ZNF30: variants seen among roughly 807,000 people sequenced by gnomAD.
ZNF30 encodes zinc finger protein 30 (KOX 28).
A neutral mutation model predicts 13.2 loss-of-function variants in ZNF30; 15 were observed. The ratio of observed to expected loss-of-function variants is 1.13; its 90% CI spans 0.76 to 1.75. ZNF30 has a LOEUF of 1.75. ZNF30 is among the 40% of genes most tolerant of loss of function. The pLI, the probability that ZNF30 is intolerant of heterozygous loss-of-function variation, is 0.00. For missense variants in ZNF30, 726 were observed against 757.0 expected, an observed-to-expected ratio of 0.96 and a Z score of 0.48; for synonymous variants, 223 against 256.6, an observed-to-expected ratio of 0.87 and a Z score of 1.25.
chr19:34,926,899 C>A, upstream of ZNF30: 1 of 398,196 alleles, frequency 2.5e-6, no homozygotes, highest in Non-Finnish European at 4.4e-6. Context: ...CGCCGGTGGG[C>A]GGCCTTGTGG....
chr19:34,940,667 CAAAAAAAAAAA>C (rs59553578), intron 4 of ZNF30, among the ~76,000 whole-genome samples: 4 of 63,946 alleles, frequency 6.3e-5, no homozygotes, highest in African/African-American at 1.5e-4. Context: ...GACTCCGTCT[CAAAAAAAAAAA>C]AAAAAAAAAA....
Position 34,929,901 on chromosome 19 carries a change from TA to T in ZNF30, c.-46del. Reference sequence around the variant, plus strand: ...TTTTCTAGCTTTTGAACTTCTCAGATAGAGGAACCCCAGTGAAGACTGATCA... The same window carrying T: ...TTTTCTAGCTTTTGAACTTCTCAGATGAGGAACCCCAGTGAAGACTGATCA... On this transcript the variant is annotated 5_prime_UTR_variant, in exon 2 of 5. In the 5' UTR this introduces an upstream ATG that the reference lacks. Coordinates refer to ENST00000601142, the MANE Select transcript of ZNF30 (RefSeq NM_194325.3). 2 of 1,575,092 alleles carry T rather than the reference TA, an allele frequency of 1.3e-6. No homozygotes were observed. Among genetic ancestry groups the T allele is most frequent in the Non-Finnish European group, 1.7e-6 (2 of 1,160,206 alleles).
chr19:34,941,503 T>C (rs2013048105), intron 4 of ZNF30, among the ~76,000 whole-genome samples: 2 of 152,214 alleles, frequency 1.3e-5, no homozygotes, highest in Admixed American at 6.5e-5. Flanking sequence ...GACTTCATGA[T>C]CTGCCCACTG....
chr19:34,938,371 T>G (rs529960993), intron 4 of ZNF30, among the ~76,000 whole-genome samples: 2 of 152,252 alleles, frequency 1.3e-5, no homozygotes, highest in Non-Finnish European at 2.9e-5. Context: ...TATATTACTT[T>G]GAGGATTTTC....
intron 4 of ZNF30, among the ~76,000 whole-genome samples, chr19:34,934,363 A>G (rs2012613775): frequency 6.6e-6 from 1 of 152,202 alleles, no homozygotes; most frequent in African/African-American, 2.4e-5. Context: ...TCCTGGGCTC[A>G]AGCCATTTTC....
chr19:34,930,011 T>C (rs1301710613), intron 2 of ZNF30, 55 bp downstream of exon 2: 3 of 1,536,206 alleles, frequency 2.0e-6, no homozygotes, highest in African/African-American at 2.7e-5. Flanking sequence ...GTGGCTATTT[T>C]CCTTAATTGA....
At chr19:34,939,153 TCCCTC>T (rs1344907289) in intron 4 of ZNF30, among the ~76,000 whole-genome samples, 2 of 17,344 alleles carry the variant, frequency 1.2e-4, no homozygotes, top group Non-Finnish European at 2.3e-4. Context: ...TCCCCTCCCC[TCCCTC>T]CCCTCCCTCC....
rs1400672684 is a variant in ZNF30 at position 34,928,219 on chromosome 19, AAATATATATAT to A, written c.-65+1005_-65+1015del. 3.6e-3 allele frequency among the ~76,000 whole-genome samples: 225 copies of A among 62,882 alleles called. 1 individual carries two copies. Among genetic ancestry groups the A allele is most frequent in the African/African-American group, 0.022 (209 of 9,524 alleles). The allele number at this position is 62,882 out of a possible 152,430, so 41.3% of individuals were successfully genotyped here. A position where few individuals can be genotyped will look rare whatever the true frequency, so the allele number is the denominator to read the frequency against. ...CGAGATCCCTTCTCTAAAAAAAAAA[AAATATATATAT>A]ATATATATATATATATATATATATA... is the stretch of plus-strand genomic sequence containing the variant. On this transcript the variant is annotated intron_variant, in intron 1 of 4. Transcript: ENST00000601142.
chr19:34,944,819 A>G lies in ZNF30; in HGVS notation c.1853A>G (p.His618Arg), dbSNP rs529898544. Residue 618 changes from histidine to arginine, a missense_variant, in exon 5 of 5, where the codon CAT becomes CGT. Coordinates refer to ENST00000601142, the MANE Select transcript of ZNF30 (RefSeq NM_194325.3). Reference protein sequence around the residue: ...SSALKVHLRKHMSVIP With the variant: ...SSALKVHLRKRMSVIP ...GCCCTTAAAGTGCATCTGAGAAAAC[A>G]TATGAGTGTTATACCCTAAGAGTCT... 395 of 1,603,242 alleles carry G rather than the reference A, an allele frequency of 2.5e-4. 5 individuals are homozygous for G. The South Asian group carries it at 4.1e-3, about 17-fold the overall frequency.
In ZNF30 at chr19:34,931,912, G is replaced by C; in HGVS notation, c.79G>C (p.Glu27Gln). 1 of 1,613,360 alleles carries C rather than the reference G, an allele frequency of 6.2e-7. No individual in the cohort carries two copies. Among genetic ancestry groups the C allele is most frequent in the South Asian group, 1.1e-5 (1 of 90,890 alleles). ...TGTGGCCATAGCCTTCTCCCAGCAGGAGTGGGAGAGTCTGGACTCTTCCCA... is the reference window on the plus strand; with the variant it reads ...TGTGGCCATAGCCTTCTCCCAGCAGCAGTGGGAGAGTCTGGACTCTTCCCA... ...EDVAIAFSQQ[E>Q]WESLDSSQRG... The change falls in exon 3 of 5, where the codon GAG (glutamate) becomes CAG (glutamine). Residue 27 changes from glutamate (E) to glutamine (Q), a missense_variant. Transcript: ENST00000601142.
In ZNF30 at chr19:34,944,897, G is replaced by C; in HGVS notation, c.*59G>C. The C allele has an allele frequency of 6.9e-7, 1 of 1,458,394 alleles. No individual in the cohort carries two copies. Among genetic ancestry groups the C allele is most frequent in the Non-Finnish European group, 9.1e-7 (1 of 1,095,736 alleles). The allele number at this position is 1,458,394 out of a possible 1,614,324, so 90.3% of individuals were successfully genotyped here. A position where few individuals can be genotyped will look rare whatever the true frequency, so the allele number is the denominator to read the frequency against. ...GGCTCAAACATTGTTGAACATCGGG[G>C]AATTTATGCTGGTAGGAAACTTTCA... On this transcript the variant is annotated 3_prime_UTR_variant, in exon 5 of 5. Coordinates refer to ENST00000601142, the MANE Select transcript of ZNF30 (RefSeq NM_194325.3).
At chr19:34,929,747 A>T in intron 1 of ZNF30, 137 bp from the exon 2 acceptor site, 1 of 530,154 alleles carries the variant, frequency 1.9e-6, no homozygotes, top group Non-Finnish European at 3.3e-6. Flanking sequence ...CTGGGGCTTG[A>T]ATTCCACTGT....
rs1395881434 is a variant in ZNF30 at position 34,944,620 on chromosome 19, T to C, written c.1654T>C (p.Tyr552His). 6 of 1,613,988 alleles carry C rather than the reference T, an allele frequency of 3.7e-6. No homozygotes were observed. In the African/African-American group the frequency reaches 6.7e-5, roughly 18 times the overall value. The change falls in exon 5 of 5, where the codon TAT becomes CAT. Residue 552 changes from tyrosine to histidine, a missense_variant. Transcript: ENST00000601142. Reference protein sequence around the residue: ...CNKCGKAFTVYGQLIGHQSVH... With the variant: ...CNKCGKAFTVHGQLIGHQSVH... ...CAAATGTGGGAAAGCCTTTACTGTT[T>C]ATGGACAACTTATTGGACATCAGAG...
At chr19:34,928,509 G>T (rs1478756250) in intron 1 of ZNF30, among the ~76,000 whole-genome samples, 1 of 151,888 alleles carries the variant, frequency 6.6e-6, no homozygotes, top group Non-Finnish European at 1.5e-5. Flanking sequence ...TATTATAGTT[G>T]TTCTATTTTA....
chr19:34,935,226 G>A (rs570887582), intron 4 of ZNF30, among the ~76,000 whole-genome samples: 68 of 133,520 alleles, frequency 5.1e-4, no homozygotes, highest in African/African-American at 1.7e-3. Context: ...GCGAGACTCC[G>A]TCTAAAAAAA....
intron 1 of ZNF30, among the ~76,000 whole-genome samples, chr19:34,929,603 G>A (rs564475987): frequency 1.3e-5 from 2 of 152,352 alleles, no homozygotes; most frequent in Admixed American, 1.3e-4. Flanking sequence ...CTGTTCAAGA[G>A]AAGACTGTGC....
At chr19:34,935,453 C>T (rs1315119626) in intron 4 of ZNF30, among the ~76,000 whole-genome samples, 3 of 152,064 alleles carry the variant, frequency 2.0e-5, no homozygotes, top group East Asian at 3.9e-4. Flanking sequence ...CAAACTTTGC[C>T]AGGGATCCCA....
At chr19:34,934,433 T>G (rs893049608) in intron 4 of ZNF30, among the ~76,000 whole-genome samples, 5 of 152,126 alleles carry the variant, frequency 3.3e-5, no homozygotes, top group African/African-American at 7.2e-5. Flanking sequence ...CTGGCTAATT[T>G]TTTTAATCTT....
rs751719240 is a variant in ZNF30 at position 34,933,614 on chromosome 19, TATCTC to T, written c.161-11_161-7del. ...ATATTTTATTTCTTTTCTACATTCTTATCTCATAAGCAGGACATTCCCGTTCTAAA... is the reference window on the plus strand; with the variant it reads ...ATATTTTATTTCTTTTCTACATTCTTATAAGCAGGACATTCCCGTTCTAAA... On this transcript the variant is annotated splice_polypyrimidine_tract_variant and intron_variant, in intron 3 of 4. Coordinates refer to ENST00000601142, the MANE Select transcript of ZNF30 (RefSeq NM_194325.3). 7.0e-6 allele frequency: 11 copies of T among 1,569,322 alleles called. No individual in the cohort carries two copies. The highest frequency in any genetic ancestry group is 3.6e-5 in the Admixed American group (2 of 54,908).
Sources: gnomAD v4.1 joint callset for allele counts (sites outside exome capture counted in the v4.1 genomes callset) on GRCh38, gnomAD v4.1.1 for gene constraint, MANE v1.5 for transcripts, NCBI Gene and HGNC (gene_info 2026-07-23, HGNC 2026-07-21) for gene names.